MAGI2: variants seen among roughly 807,000 people sequenced by gnomAD.
MAGI2 encodes the protein membrane-associated guanylate kinase, WW and PDZ domain-containing protein 2.
MAGI2 carries 35 observed loss-of-function variants against 133.3 expected under a neutral mutation model. The observed-to-expected ratio is 0.26, with a 90% CI of 0.20 to 0.35. MAGI2 has a LOEUF of 0.35. Ranked by LOEUF, MAGI2 falls within the 10% of genes least tolerant of loss-of-function variation. MAGI2 has a pLI of 1.00. For synonymous variants in MAGI2, 729 were observed against 710.6 expected, an observed-to-expected ratio of 1.03 and a Z score of -0.41; for missense variants, 1,636 against 1,863.4, an observed-to-expected ratio of 0.88 and a Z score of 2.25.
At chr7:78,935,641 G>C (rs1800452449) in intron 2 of MAGI2, among the ~76,000 whole-genome samples, 1 of 152,030 alleles carries the variant, frequency 6.6e-6, no homozygotes, top group Non-Finnish European at 1.5e-5. Flanking sequence ...AGTTGACATT[G>C]AAATTAGAAT....
At chr7:78,667,209 C>T (rs1813696406) in intron 2 of MAGI2, among the ~76,000 whole-genome samples, 1 of 151,894 alleles carries the variant, frequency 6.6e-6, no homozygotes, top group Non-Finnish European at 1.5e-5. Context: ...CAACACAGAT[C>T]TCTCATGTTG....
intron 6 of MAGI2, among the ~76,000 whole-genome samples, chr7:78,454,861 G>A (rs1272851388): frequency 6.6e-6 from 1 of 152,090 alleles, no homozygotes; most frequent in Non-Finnish European, 1.5e-5. Context: ...TTCTGGAAAA[G>A]GCAAAACTAT....
At chr7:78,778,747 C>G (rs887460089) in intron 2 of MAGI2, among the ~76,000 whole-genome samples, 1 of 152,116 alleles carries the variant, frequency 6.6e-6, no homozygotes, top group Admixed American at 6.5e-5. Flanking sequence ...GGCAAGATAA[C>G]TTAATGGCCT....
intron 1 of MAGI2, among the ~76,000 whole-genome samples, chr7:79,080,980 C>T (rs762680984): frequency 1.3e-5 from 2 of 152,028 alleles, no homozygotes; most frequent in African/African-American, 4.8e-5. Context: ...CCAGCCCATC[C>T]TCCCCAAAAC....
At chr7:78,640,608 A>T (rs1937228250) in intron 2 of MAGI2, among the ~76,000 whole-genome samples, 1 of 140,976 alleles carries the variant, frequency 7.1e-6, no homozygotes, top group African/African-American at 2.5e-5. Context: ...GAGACATAAT[A>T]CAAAACAGAG....
At chr7:78,802,326 C>A (rs1052456249) in intron 2 of MAGI2, among the ~76,000 whole-genome samples, 1 of 152,072 alleles carries the variant, frequency 6.6e-6, no homozygotes, top group Non-Finnish European at 1.5e-5. Context: ...CTGTAATCTC[C>A]TTGAGGGCAA....
chr7:78,477,069 C>T (rs1240310799), intron 6 of MAGI2, among the ~76,000 whole-genome samples: 1 of 151,760 alleles, frequency 6.6e-6, no homozygotes, highest in Non-Finnish European at 1.5e-5. Context: ...TGTTCAATTA[C>T]TTGGCTTTGG....
In MAGI2 at chr7:78,399,804, CAAAAAAA is replaced by C. The variant is rs3061269; in HGVS notation, c.1046-30598_1046-30592del. 5.7e-3 allele frequency among the ~76,000 whole-genome samples: 399 copies of C among 69,702 alleles called. 3 individuals carry two copies. Among genetic ancestry groups the C allele is most frequent in the Middle Eastern group, 9.8e-3 (1 of 102 alleles). The allele number at this position is 69,702 out of a possible 152,430, so 45.7% of individuals were successfully genotyped here. ...TGGTTGACAGAGTGAGACTTTGTAT[CAAAAAAA>C]AAAAAAAAAAAAAAAAGGCATAACA... On this transcript the variant is annotated intron_variant, in intron 6 of 21. Coordinates refer to ENST00000354212, the MANE Select transcript of MAGI2 (RefSeq NM_012301.4).
chr7:78,105,085 G>A (rs1818550680), intron 20 of MAGI2, among the ~76,000 whole-genome samples: 1 of 151,736 alleles, frequency 6.6e-6, no homozygotes, highest in African/African-American at 2.4e-5. Context: ...ATAATATATT[G>A]CTTAGCTTCA....
intron 2 of MAGI2, among the ~76,000 whole-genome samples, chr7:78,973,973 T>A (rs958701290): frequency 2.6e-4 from 40 of 151,940 alleles, no homozygotes; most frequent in Admixed American, 2.3e-3. Context: ...TAGGGAATGC[T>A]AACTACATCA....
Position 78,194,945 on chromosome 7 carries a change from T to A in MAGI2, c.2198A>T (p.Glu733Val). 6.2e-7 allele frequency: 1 copy of A among 1,614,090 alleles called. No homozygotes were observed. The highest frequency in any genetic ancestry group is 1.1e-5 in the South Asian group (1 of 91,076). The change falls in exon 12 of 22, where the codon GAG becomes GTG. Residue 733 changes from glutamate to valine, a missense_variant. Transcript: ENST00000354212. ...ATCAGGCTTCCGTGGGTCAAAGGCC[T>A]CTGTTGAGTCAGGAAAGGAGCTCCT... ...LHRSSFPDST[E>V]AFDPRKPDPY...
intron 2 of MAGI2, among the ~76,000 whole-genome samples, chr7:78,841,640 T>G (rs886950579): frequency 1.3e-5 from 2 of 151,984 alleles, no homozygotes; most frequent in Admixed American, 6.6e-5. Context: ...ATCTAACTGA[T>G]GCCTAACGCT....
At chr7:79,115,746 G>A (rs985854039) in intron 1 of MAGI2, among the ~76,000 whole-genome samples, 1 of 150,496 alleles carries the variant, frequency 6.6e-6, no homozygotes, top group African/African-American at 2.5e-5. Flanking sequence ...CATTTAGAGT[G>A]AATTTTATAA....
At chr7:79,366,471 G>A (rs887755351) in intron 1 of MAGI2, among the ~76,000 whole-genome samples, 1 of 152,032 alleles carries the variant, frequency 6.6e-6, no homozygotes, top group African/African-American at 2.4e-5. Context: ...TAACTGTTCA[G>A]TATCTTGACT....
chr7:79,247,092 CA>C (rs981670922), intron 1 of MAGI2, among the ~76,000 whole-genome samples: 2 of 151,564 alleles, frequency 1.3e-5, no homozygotes, highest in Admixed American at 6.6e-5. Flanking sequence ...GTTTCCCAGA[CA>C]AAAAAAACCT....
Position 78,361,371 on chromosome 7 carries a change from C to T in MAGI2, c.1103+7785G>A, listed in dbSNP as rs189118932. Among the ~76,000 whole-genome samples the T allele has an allele frequency of 2.8e-3, 397 of 140,436 alleles. 2 individuals carry two copies. Among genetic ancestry groups the T allele is most frequent in the African/African-American group, 9.5e-3 (354 of 37,128 alleles). The allele number at this position is 140,436 out of a possible 152,430, so 92.1% of individuals were successfully genotyped here. On this transcript the variant is annotated intron_variant, in intron 7 of 21. Transcript: ENST00000354212. ...TCGTGCCACTGCACTCCAGCCTGGG[C>T]GACAGAGTGAGACTCCATCTCAAAA... is the stretch of plus-strand genomic sequence containing the variant.
chr7:79,355,044 C>T (rs1296273596), intron 1 of MAGI2, among the ~76,000 whole-genome samples: 1 of 152,190 alleles, frequency 6.6e-6, no homozygotes, highest in Non-Finnish European at 1.5e-5. Flanking sequence ...CAGAGTCTTG[C>T]CCTTTTACCC....
chr7:78,202,752 A>G (rs79017306), intron 10 of MAGI2, among the ~76,000 whole-genome samples: 2,196 of 151,776 alleles, frequency 0.014, 53 homozygotes, highest in African/African-American at 0.043. Context: ...CTTAGAACCT[A>G]GAGTTACACT....
intron 6 of MAGI2, among the ~76,000 whole-genome samples, chr7:78,445,522 A>G (rs1788046800): frequency 6.6e-6 from 1 of 152,110 alleles, no homozygotes; most frequent in South Asian, 2.1e-4. Context: ...GGATGAATAC[A>G]AAATACTTGG....
Sources: allele counts gnomAD v4.1 joint callset (sites outside exome capture counted in the v4.1 genomes callset), GRCh38; gene constraint gnomAD v4.1.1; transcripts MANE v1.5; gene names NCBI Gene and HGNC (gene_info 2026-07-23, HGNC 2026-07-21).